The following RBFOX1 variants were observed in gnomAD, a reference collection of about 807,000 sequenced individuals.
RBFOX1 encodes RNA binding fox-1 homolog 1, also known as RNA binding protein fox-1 homolog 1.
In RBFOX1, 8 loss-of-function variants were observed where a neutral mutation model predicts 57.7. The ratio of observed to expected loss-of-function variants is 0.14; its 90% confidence interval spans 0.08 to 0.25. RBFOX1 has a LOEUF of 0.25. RBFOX1 is among the 10% of genes least tolerant of loss of function. The probability of loss-of-function intolerance (pLI) is 1.00; values close to 1 mark genes in which losing one functional copy is unlikely to be tolerated. For synonymous variants in RBFOX1, 326 were observed against 222.4 expected (o/e 1.47, Z -4.15); for missense variants, 611 against 548.5 (o/e 1.11, Z -1.14).
intron 3 of RBFOX1, among the ~76,000 whole-genome samples, chr16:6,812,448 A>C (rs12920275): frequency 0.38 from 57,852 of 151,920 alleles, 11,729 homozygotes; most frequent in Non-Finnish European, 0.45. Flanking sequence ...ATCTCGGCTC[A>C]TTGCAACCTC....
intron 3 of RBFOX1, among the ~76,000 whole-genome samples, chr16:6,749,288 A>G (rs1414111941): frequency 1.3e-5 from 2 of 152,164 alleles, no homozygotes; most frequent in African/African-American, 4.8e-5. Context: ...CAGTAATGAC[A>G]TCAACCCAAT....
chr16:6,709,907 G>A lies in RBFOX1; in HGVS notation c.-16+55257G>A, dbSNP rs559748681. 7.2e-4 allele frequency among the ~76,000 whole-genome samples: 110 copies of A among 152,220 alleles called. 1 individual carries two copies. Among genetic ancestry groups the A allele is most frequent in the Admixed American group, 1.8e-3 (28 of 15,284 alleles). On this transcript the variant is annotated intron_variant, in intron 3 of 15. Transcript: ENST00000550418. ...CCGGGGGCTACTGGCCAGATGGATC[G>A]CTGTTCTAACGGGGCCCTTTTGAGG...
chr16:6,495,974 A>G (rs1403449659), intron 2 of RBFOX1, among the ~76,000 whole-genome samples: 1 of 152,212 alleles, frequency 6.6e-6, no homozygotes, highest in Non-Finnish European at 1.5e-5. Context: ...CTTATAAAGT[A>G]TTTAATATTT....
chr16:5,610,553 A>G (rs530297600), intron 3 of RBFOX1: 1 of 152,326 alleles, frequency 6.6e-6, no homozygotes, highest in South Asian at 2.1e-4. Flanking sequence ...TAGGCTGGGC[A>G]CAGTGGCTTA....
chr16:6,152,620 A>C (rs2152726971), intron 1 of RBFOX1, among the ~76,000 whole-genome samples: 1 of 152,326 alleles, frequency 6.6e-6, no homozygotes, highest in Admixed American at 6.5e-5. Flanking sequence ...TTACACTAGA[A>C]ATATTACTAC....
intron 3 of RBFOX1, among the ~76,000 whole-genome samples, chr16:6,940,867 G>T (rs1044139880): frequency 1.6e-5 from 2 of 126,092 alleles, no homozygotes; most frequent in Admixed American, 8.1e-5. Flanking sequence ...GTGTGTGTGT[G>T]TGTGTGTGTG....
chr16:7,619,984 T>A (rs976400303), intron 10 of RBFOX1, among the ~76,000 whole-genome samples: 1 of 152,200 alleles, frequency 6.6e-6, no homozygotes, highest in African/African-American at 2.4e-5. Flanking sequence ...ACATATCTTA[T>A]CACATTAAAA....
intron 2 of RBFOX1, among the ~76,000 whole-genome samples, chr16:6,539,500 T>C (rs17140555): frequency 6.6e-6 from 1 of 152,142 alleles, no homozygotes; most frequent in East Asian, 1.9e-4. Context: ...TATACTTCTT[T>C]AAAACACACA....
Position 7,000,186 on chromosome 16 carries a change from C to T in RBFOX1, c.-15-51871C>T, listed in dbSNP as rs565437425. ...TTCTTAAGGAAAAAAAAAGTACTGTCATTAGCGTTATTATGCCTTGAAAGT... is the reference window on the plus strand; with the variant it reads ...TTCTTAAGGAAAAAAAAAGTACTGTTATTAGCGTTATTATGCCTTGAAAGT... On this transcript the variant is annotated intron_variant, in intron 3 of 15. Transcript: ENST00000550418. Among the ~76,000 whole-genome samples the T allele has an allele frequency of 2.3e-4, 35 of 151,998 alleles. 1 individual carries two copies. The South Asian group carries it at 7.3e-3, about 32-fold the overall frequency.
chr16:6,260,389 C>G (rs1201236109), intron 1 of RBFOX1, among the ~76,000 whole-genome samples: 2 of 152,068 alleles, frequency 1.3e-5, no homozygotes, highest in African/African-American at 2.4e-5. Flanking sequence ...TGGATGACCC[C>G]AAAATGTTGC....
At chr16:5,709,978 T>G (rs1343753768) in intron 3 of RBFOX1, among the ~76,000 whole-genome samples, 1 of 149,262 alleles carries the variant, frequency 6.7e-6, no homozygotes. Flanking sequence ...CCCAAAGGTG[T>G]TGGGTCTCTA....
chr16:6,472,885 A>G (rs1053068457), intron 2 of RBFOX1, among the ~76,000 whole-genome samples: 1 of 152,006 alleles, frequency 6.6e-6, no homozygotes, highest in Admixed American at 6.6e-5. Flanking sequence ...TCGGCCTCCC[A>G]AAGTGCTGGG....
intron 4 of RBFOX1, among the ~76,000 whole-genome samples, chr16:7,235,412 G>A (rs1017920208): frequency 6.6e-6 from 1 of 152,210 alleles, no homozygotes; most frequent in Non-Finnish European, 1.5e-5. Flanking sequence ...GTACTGAAAA[G>A]AACAGACAGA....
intron 1 of RBFOX1, among the ~76,000 whole-genome samples, chr16:6,231,735 T>G (rs765530527): frequency 1.3e-5 from 2 of 152,178 alleles, no homozygotes; most frequent in Non-Finnish European, 2.9e-5. Flanking sequence ...GTGTTGTGTA[T>G]GCTGTATATG....
intron 4 of RBFOX1, among the ~76,000 whole-genome samples, chr16:7,112,152 A>T: frequency 6.6e-6 from 1 of 152,162 alleles, no homozygotes; most frequent in Admixed American, 6.6e-5. Flanking sequence ...CTGATGAGAA[A>T]ATTCAGAATC....
At chr16:7,179,210 T>C (rs79249169) in intron 4 of RBFOX1, among the ~76,000 whole-genome samples, 1,660 of 148,014 alleles carry the variant, frequency 0.011, 24 homozygotes, top group African/African-American at 0.038. Flanking sequence ...TATGGAAGGA[T>C]GCTTAACCGG....
intron 2 of RBFOX1, among the ~76,000 whole-genome samples, chr16:6,649,945 C>G (rs1034389719): frequency 1.3e-5 from 2 of 152,064 alleles, no homozygotes; most frequent in Admixed American, 6.5e-5. Context: ...CATATTTTTG[C>G]CACTGTGAAT....
rs544892806 is a variant in RBFOX1 at position 5,282,648 on chromosome 16, G to T, written c.219+42543G>T. ...TTTGCCCCTGCTGTAGAGATTTGTG[G>T]AATTTTGAACTTGAGAGAGATGATT... On this transcript the variant is annotated intron_variant, in intron 1 of 2. Coordinates refer to the RBFOX1 transcript ENST00000585867. Among the ~76,000 whole-genome samples, 62 of 152,144 alleles carry T rather than the reference G, an allele frequency of 4.1e-4. 1 individual carries two copies. The highest frequency in any genetic ancestry group is 7.2e-4 in the Non-Finnish European group (49 of 68,030).
chr16:7,087,445 G>T (rs1418973467), intron 4 of RBFOX1, among the ~76,000 whole-genome samples: 1 of 152,100 alleles, frequency 6.6e-6, no homozygotes, highest in African/African-American at 2.4e-5. Context: ...ACTGTGGCTG[G>T]CCGCCTAAAG....
Sources: gnomAD v4.1 joint callset for allele counts (sites outside exome capture counted in the v4.1 genomes callset) on GRCh38, gnomAD v4.1.1 for gene constraint, MANE v1.5 for transcripts, NCBI Gene and HGNC (gene_info 2026-07-23, HGNC 2026-07-21) for gene names.